Variants in KIRREL3 observed in about 807,000 individuals in gnomAD.
KIRREL3 encodes kirre like nephrin family adhesion molecule 3, also known as kin of IRRE-like protein 3.
In KIRREL3, 36 loss-of-function variants were observed where a neutral mutation model predicts 89.7. The ratio of observed to expected loss-of-function variants is 0.40; its 90% confidence interval spans 0.31 to 0.53. KIRREL3 has a LOEUF of 0.53. Among genes scored for constraint, KIRREL3 ranks in the 20% least tolerant of loss-of-function variants. KIRREL3 has a pLI of 0.49. For synonymous variants in KIRREL3, 445 were observed against 441.4 expected, an observed-to-expected ratio of 1.01 and a Z score of -0.10; for missense variants, 864 against 1,056.6, an observed-to-expected ratio of 0.82 and a Z score of 2.53.
chr11:126,954,406 A>G lies in KIRREL3; in HGVS notation c.55+46049T>C, dbSNP rs561503002. ...GAATTTATTGATTTACTTAATATTCATTGCTGATAACATGAAGGATCTGTA... is the reference window on the plus strand; with the variant it reads ...GAATTTATTGATTTACTTAATATTCGTTGCTGATAACATGAAGGATCTGTA... On this transcript the variant is annotated intron_variant, in intron 1 of 16. Coordinates refer to ENST00000525144, the MANE Select transcript of KIRREL3 (RefSeq NM_032531.4). The surrounding 1 kb of genome is among the most constrained non-coding windows in gnomAD (Gnocchi z 4.1). Among the ~76,000 whole-genome samples, 2 of 152,276 alleles carry G rather than the reference A, an allele frequency of 1.3e-5. No individual in the cohort carries two copies. Among genetic ancestry groups the G allele is most frequent in the Admixed American group, 6.5e-5 (1 of 15,302 alleles).
At chr11:126,984,017 G>T (rs1406942300) in intron 1 of KIRREL3, among the ~76,000 whole-genome samples, 1 of 152,030 alleles carries the variant, frequency 6.6e-6, no homozygotes, top group Non-Finnish European at 1.5e-5. Flanking sequence ...GGTATTAGAG[G>T]TTAATTCTCC....
rs1947464391 is a variant in KIRREL3 at position 126,923,184 on chromosome 11, CTTCTCTTCTTCT to C, written c.55+77259_55+77270del. 4.0e-4 allele frequency among the ~76,000 whole-genome samples: 9 copies of C among 22,780 alleles called. 2 individuals are homozygous for C. The highest frequency in any genetic ancestry group is 1.1e-3 in the Admixed American group (2 of 1,762). The allele number at this position is 22,780 out of a possible 152,430, so 14.9% of individuals were successfully genotyped here. The stretch of plus-strand genomic sequence containing the variant: ...TTCTTCTTCTTCTTCTTCTCTTCTT[CTTCTCTTCTTCT>C]TCTTCTTCTTCTTCTTCTTCTTCTT... On this transcript the variant is annotated intron_variant, in intron 1 of 16. Coordinates refer to ENST00000525144, the MANE Select transcript of KIRREL3 (RefSeq NM_032531.4).
Position 126,685,679 on chromosome 11 carries a change from G to A in KIRREL3, c.56-122767C>T, listed in dbSNP as rs979387936. On this transcript the variant is annotated intron_variant, in intron 1 of 16. Transcript: ENST00000525144. The surrounding 1 kb of genome is among the most constrained non-coding windows in gnomAD (Gnocchi z 5.5). Reference sequence around the variant, plus strand: ...AAACATTCCAAAATACCATGGCTGAGTTAAAGTGCTGTGACACGTCGTTTC... The same window carrying A: ...AAACATTCCAAAATACCATGGCTGAATTAAAGTGCTGTGACACGTCGTTTC... Among the ~76,000 whole-genome samples the A allele has an allele frequency of 8.5e-5, 13 of 152,248 alleles. No individual in the cohort carries two copies. The highest frequency in any genetic ancestry group is 2.7e-4 in the African/African-American group (11 of 41,464).
At chr11:126,728,033 T>A (rs1948460943) in intron 1 of KIRREL3, among the ~76,000 whole-genome samples, 1 of 152,038 alleles carries the variant, frequency 6.6e-6, no homozygotes. Context: ...AGCCTCCTGA[T>A]GCACCTGGCA....
intron 1 of KIRREL3, among the ~76,000 whole-genome samples, chr11:126,958,636 G>A (rs1393874704): frequency 2.6e-5 from 4 of 152,222 alleles, no homozygotes; most frequent in Non-Finnish European, 5.9e-5. Flanking sequence ...GCCTAGTGCA[G>A]TGTCTTTCAC....
intron 1 of KIRREL3, among the ~76,000 whole-genome samples, chr11:126,599,836 C>T (rs557008): frequency 0.87 from 132,823 of 152,202 alleles, 58,126 homozygotes; most frequent in South Asian, 0.91. Context: ...AGCTGGTTTC[C>T]ATTTTCTTAG....
rs1051718434 is a variant in KIRREL3, at chr11:126,475,828, C to T, written c.434-2362G>A. On this transcript the variant is annotated intron_variant, in intron 4 of 16. Coordinates refer to ENST00000525144, the MANE Select transcript of KIRREL3 (RefSeq NM_032531.4). This position sits in a 1 kb window ranked among gnomAD's most constrained non-coding sequence, Gnocchi z 7.5. ...GTGGAGGAGGGGAATTGCATCTCCA[C>T]GCGGTGAGTGGGGGACTTGCAGCAG... 3.3e-5 allele frequency among the ~76,000 whole-genome samples: 5 copies of T among 152,220 alleles called. No individual in the cohort carries two copies. The highest frequency in any genetic ancestry group is 5.9e-5 in the Non-Finnish European group (4 of 68,046).
In KIRREL3 at chr11:126,683,390, G is replaced by A. The variant is rs1946544142; in HGVS notation, c.56-120478C>T. On this transcript the variant is annotated intron_variant, in intron 1 of 16. Coordinates refer to ENST00000525144, the MANE Select transcript of KIRREL3 (RefSeq NM_032531.4). This position sits in a 1 kb window ranked among gnomAD's most constrained non-coding sequence, Gnocchi z 5.2. Reference sequence around the variant, plus strand: ...TGGGGTCTCTGGACAGCTCCCCAGAGGGCCGTGGTCCACAAAGGGAAACAC... The same window carrying A: ...TGGGGTCTCTGGACAGCTCCCCAGAAGGCCGTGGTCCACAAAGGGAAACAC... Among the ~76,000 whole-genome samples the A allele has an allele frequency of 6.6e-6, 1 of 152,154 alleles. No individual in the cohort carries two copies. Among genetic ancestry groups the A allele is most frequent in the Non-Finnish European group, 1.5e-5 (1 of 68,038 alleles).
chr11:126,857,783 G>GTGGGGGGC (rs374376909), intron 1 of KIRREL3, among the ~76,000 whole-genome samples: 1 of 11,062 alleles, frequency 9.0e-5, no homozygotes, highest in Non-Finnish European at 1.8e-4. Context: ...TTCAGGCTGT[G>GTGGGGGGC]GGGGTGGGGT....
chr11:126,712,630 C>T (rs977682465), intron 1 of KIRREL3, among the ~76,000 whole-genome samples: 15 of 152,144 alleles, frequency 9.9e-5, no homozygotes, highest in African/African-American at 3.4e-4. Flanking sequence ...TCACCCGCCA[C>T]GGCTTTTGTC....
At chr11:126,928,920 C>A (rs1289326390) in intron 1 of KIRREL3, among the ~76,000 whole-genome samples, 10 of 151,888 alleles carry the variant, frequency 6.6e-5, no homozygotes, top group African/African-American at 2.4e-4. Context: ...GAGCCATGAG[C>A]AAACCCATGA....
intron 2 of KIRREL3, among the ~76,000 whole-genome samples, chr11:126,559,352 G>T (rs34091297): frequency 0.026 from 4,001 of 152,258 alleles, 89 homozygotes; most frequent in East Asian, 0.11. Flanking sequence ...CTAAATGAAA[G>T]TTGAGCGACT....
rs963608556 is a variant in KIRREL3 at position 126,628,689 on chromosome 11, C to T, written c.56-65777G>A. Among the ~76,000 whole-genome samples the T allele has an allele frequency of 5.9e-5, 9 of 152,186 alleles. No homozygotes were observed. Among genetic ancestry groups the T allele is most frequent in the Non-Finnish European group, 1.3e-4 (9 of 68,030 alleles). ...AGAAACTGACTGTCATTCTCTCTGC[C>T]TCTCCTGAAAGACTAATACTAAGCA... On this transcript the variant is annotated intron_variant, in intron 1 of 16. Transcript: ENST00000525144. The surrounding 1 kb of genome is among the most constrained non-coding windows in gnomAD (Gnocchi z 5.2).
At position 126,766,098 on chromosome 11, in the gene KIRREL3, T is replaced by C. The variant is rs1949815153; in HGVS notation, c.56-203186A>G. ...ACTGCTTTTGCCAGCCCTCCTGGGA[T>C]GGTATCTAGTATCGTTTCATCGCTA... On this transcript the variant is annotated intron_variant, in intron 1 of 16. Transcript: ENST00000525144. This position sits in a 1 kb window ranked among gnomAD's most constrained non-coding sequence, Gnocchi z 4.2. 6.6e-6 allele frequency among the ~76,000 whole-genome samples: 1 copy of C among 152,036 alleles called. No homozygotes were observed. Among genetic ancestry groups the C allele is most frequent in the African/African-American group, 2.4e-5 (1 of 41,406 alleles).
chr11:126,484,265 G>A lies in KIRREL3; in HGVS notation c.434-10799C>T, dbSNP rs879687659. 3.6e-4 allele frequency among the ~76,000 whole-genome samples: 55 copies of A among 152,132 alleles called. No individual in the cohort carries two copies. Among genetic ancestry groups the A allele is most frequent in the Non-Finnish European group, 5.4e-4 (37 of 68,044 alleles). ...CAGGTTCCCTACAGTTGCAGGGTAG[G>A]AGTCCTGGCGCCTCTTTGCCTGTCT... is the stretch of plus-strand genomic sequence containing the variant. On this transcript the variant is annotated intron_variant, in intron 4 of 16. Coordinates refer to ENST00000525144, the MANE Select transcript of KIRREL3 (RefSeq NM_032531.4). The surrounding 1 kb of genome is among the most constrained non-coding windows in gnomAD (Gnocchi z 5.2).
At chr11:126,781,464 A>T (rs1259587860) in intron 1 of KIRREL3, among the ~76,000 whole-genome samples, 1 of 152,218 alleles carries the variant, frequency 6.6e-6, no homozygotes, top group African/African-American at 2.4e-5. Context: ...TTAGAGAGTG[A>T]AATCATACTG....
rs755597753 is a variant in KIRREL3, at chr11:126,424,884, A to G, written c.2033T>C (p.Ile678Thr). 6.2e-7 allele frequency: 1 copy of G among 1,612,622 alleles called. No homozygotes were observed. The highest frequency in any genetic ancestry group is 1.3e-5 in the African/African-American group (1 of 75,002). ...GCCCTGGCCGCTCAGGGTGCTGTAG[A>G]TGTTGGTGAAGGACATGCCTGTGGG... Reference protein sequence around the residue: ...RVPTGMSFTNIYSTLSGQGRL... With the variant: ...RVPTGMSFTNTYSTLSGQGRL... Residue 678 changes from isoleucine (I) to threonine (T), a missense_variant, in exon 17 of 17, where the codon ATC (isoleucine) becomes ACC (threonine). Coordinates refer to ENST00000525144, the MANE Select transcript of KIRREL3 (RefSeq NM_032531.4).
rs1186331858 is a variant in KIRREL3, at chr11:126,890,686, C to T, written c.55+109769G>A. On this transcript the variant is annotated intron_variant, in intron 1 of 16. Transcript: ENST00000525144. The surrounding 1 kb of genome is among the most constrained non-coding windows in gnomAD (Gnocchi z 5.1). The stretch of plus-strand genomic sequence containing the variant: ...TTTTCTCTTTCTTTACAGGCCCTGC[C>T]CAAATACTCTGCCTTCTGTAGACTC... 2.0e-5 allele frequency among the ~76,000 whole-genome samples: 3 copies of T among 152,194 alleles called. No homozygotes were observed. The East Asian group carries it at 5.8e-4, about 29-fold the overall frequency.
In KIRREL3 at chr11:126,516,473, T is replaced by A; in HGVS notation, c.433+4842A>T. On this transcript the variant is annotated intron_variant, in intron 4 of 16. Coordinates refer to ENST00000525144, the MANE Select transcript of KIRREL3 (RefSeq NM_032531.4). The surrounding 1 kb of genome is among the most constrained non-coding windows in gnomAD (Gnocchi z 4.9). ...TGCAATTTATGGTTTAATCCGTGCA[T>A]CACTTATCGACCGCCTTCTCTCTGC... Among the ~76,000 whole-genome samples the A allele has an allele frequency of 6.6e-6, 1 of 152,320 alleles. No homozygotes were observed. Among genetic ancestry groups the A allele is most frequent in the East Asian group, 1.9e-4 (1 of 5,190 alleles).
Sources: allele counts gnomAD v4.1 joint callset (sites outside exome capture counted in the v4.1 genomes callset), GRCh38; gene constraint gnomAD v4.1.1; non-coding constraint Gnocchi (gnomAD v3.1); transcripts MANE v1.5; gene names NCBI Gene and HGNC (gene_info 2026-07-23, HGNC 2026-07-21).